The following NR3C2 variants were observed in gnomAD, a reference collection of about 807,000 sequenced individuals.
NR3C2 encodes the protein mineralocorticoid receptor.
A neutral mutation model predicts 86.4 loss-of-function variants in NR3C2; 15 were observed. The observed-to-expected ratio is 0.17, with a 90% confidence interval of 0.12 to 0.27. The LOEUF (loss-of-function observed/expected upper bound fraction) is 0.27. Among genes scored for constraint, NR3C2 ranks in the 10% least tolerant of loss-of-function variants. The pLI is 1.00. For synonymous variants in NR3C2, 458 were observed against 450.5 expected (o/e 1.02, Z -0.21); for missense variants, 960 against 1,195.6 (o/e 0.80, Z 2.91).
At chr4:148,179,524 G>A (rs537810966) in intron 4 of NR3C2, among the ~76,000 whole-genome samples, 8 of 151,738 alleles carry the variant, frequency 5.3e-5, no homozygotes, top group Middle Eastern at 3.2e-3. Flanking sequence ...CAAGGCATGA[G>A]TGAGTTCATA....
At chr4:148,376,845 T>C (rs1323105945) in intron 2 of NR3C2, among the ~76,000 whole-genome samples, 1 of 152,178 alleles carries the variant, frequency 6.6e-6, no homozygotes, top group Non-Finnish European at 1.5e-5. Flanking sequence ...TCCTAATTTA[T>C]TTTCAGTAAT....
chr4:148,289,463 T>C (rs1741694134), intron 2 of NR3C2, among the ~76,000 whole-genome samples: 1 of 152,204 alleles, frequency 6.6e-6, no homozygotes, highest in South Asian at 2.1e-4. Context: ...TTAAGCCTCC[T>C]ACAGCGACAC....
In NR3C2 at chr4:148,253,751, C is replaced by T. The variant is rs769426001; in HGVS notation, c.1897+6227G>A. On this transcript the variant is annotated intron_variant, in intron 3 of 8. Coordinates refer to ENST00000358102, the MANE Select transcript of NR3C2 (RefSeq NM_000901.5). Reference sequence around the variant, plus strand: ...GGTTTTTTTCCCCCATAGCCAATCACCTTTTCATATGTTACATAAATAACT... The same window carrying T: ...GGTTTTTTTCCCCCATAGCCAATCATCTTTTCATATGTTACATAAATAACT... Among the ~76,000 whole-genome samples, 4 of 152,144 alleles carry T rather than the reference C, an allele frequency of 2.6e-5. No homozygotes were observed. In the East Asian group the frequency reaches 5.8e-4, roughly 22 times the overall value.
In NR3C2 at chr4:148,404,723, CAAT is replaced by C. The variant is rs570565806; in HGVS notation, c.1757+30378_1757+30380del. Among the ~76,000 whole-genome samples, 39 of 151,794 alleles carry C rather than the reference CAAT, an allele frequency of 2.6e-4. No individual in the cohort carries two copies. In the South Asian group the frequency reaches 4.4e-3, roughly 17 times the overall value. On this transcript the variant is annotated intron_variant, in intron 2 of 8. Coordinates refer to ENST00000358102, the MANE Select transcript of NR3C2 (RefSeq NM_000901.5). The stretch of plus-strand genomic sequence containing the variant: ...AACATAATATCAAAGCACAAGAAAA[CAAT>C]AAAAAAGGAGGAAATGTACTTAGGG...
intron 4 of NR3C2, among the ~76,000 whole-genome samples, chr4:148,157,972 T>TAG (rs1253096649): frequency 2.0e-5 from 3 of 152,192 alleles, no homozygotes; most frequent in Non-Finnish European, 4.4e-5. Flanking sequence ...GAATAAGACA[T>TAG]AACTACTGGC....
chr4:148,122,934 A>G (rs530023919), intron 6 of NR3C2, among the ~76,000 whole-genome samples: 1 of 152,338 alleles, frequency 6.6e-6, no homozygotes, highest in South Asian at 2.1e-4. Context: ...TTTAGGGAAC[A>G]AGGGAAGACA....
intron 2 of NR3C2, among the ~76,000 whole-genome samples, chr4:148,286,271 T>C (rs17024560): frequency 0.014 from 2,140 of 152,318 alleles, 53 homozygotes; most frequent in African/African-American, 0.049. Context: ...CCAGCTGTGT[T>C]ATTCAACTTA....
chr4:148,180,158 C>T (rs907547362), intron 4 of NR3C2, among the ~76,000 whole-genome samples: 2 of 151,518 alleles, frequency 1.3e-5, no homozygotes, highest in Non-Finnish European at 2.9e-5. Flanking sequence ...GGTGTTGATC[C>T]TGTAATTTCT....
At chr4:148,274,731 G>A (rs1370446083) in intron 2 of NR3C2, among the ~76,000 whole-genome samples, 2 of 140,282 alleles carry the variant, frequency 1.4e-5, no homozygotes, top group Non-Finnish European at 3.0e-5. Context: ...TTGAGATGGA[G>A]TTTCACTCCA....
At chr4:148,189,868 T>C (rs1736114510) in intron 4 of NR3C2, among the ~76,000 whole-genome samples, 1 of 152,212 alleles carries the variant, frequency 6.6e-6, no homozygotes, top group East Asian at 1.9e-4. Context: ...TGTATTTCAG[T>C]GGTGTCAGTT....
At chr4:148,201,803 A>C (rs947455761) in intron 3 of NR3C2, among the ~76,000 whole-genome samples, 1 of 152,168 alleles carries the variant, frequency 6.6e-6, no homozygotes, top group African/African-American at 2.4e-5. Context: ...TACCCCCTTC[A>C]ACTCCCCATC....
At chr4:148,181,153 G>GA (rs1459851712) in intron 4 of NR3C2, among the ~76,000 whole-genome samples, 1 of 152,172 alleles carries the variant, frequency 6.6e-6, no homozygotes, top group Non-Finnish European at 1.5e-5. Flanking sequence ...ATTGGAACCA[G>GA]AATTAGGAAC....
At chr4:148,421,245 C>T (rs1197232515) in intron 2 of NR3C2, among the ~76,000 whole-genome samples, 2 of 152,316 alleles carry the variant, frequency 1.3e-5, no homozygotes, top group Non-Finnish European at 2.9e-5. Flanking sequence ...TAAGCACTTT[C>T]ACACTGTTGT....
At chr4:148,273,514 C>T (rs1158110917) in intron 2 of NR3C2, among the ~76,000 whole-genome samples, 1 of 152,046 alleles carries the variant, frequency 6.6e-6, no homozygotes, top group Non-Finnish European at 1.5e-5. Context: ...GATCAGATGG[C>T]ATGTTGGGTT....
intron 6 of NR3C2, among the ~76,000 whole-genome samples, chr4:148,142,867 A>G (rs907859441): frequency 6.6e-6 from 1 of 152,118 alleles, no homozygotes; most frequent in East Asian, 1.9e-4. Flanking sequence ...TCCCGCTGAC[A>G]GTGCTCATTT....
At chr4:148,398,952 A>G (rs959623825) in intron 2 of NR3C2, among the ~76,000 whole-genome samples, 5 of 152,224 alleles carry the variant, frequency 3.3e-5, no homozygotes, top group African/African-American at 4.8e-5. Flanking sequence ...GGTGAGCCAT[A>G]GCCTGAGGAA....
intron 2 of NR3C2, among the ~76,000 whole-genome samples, chr4:148,399,733 A>G (rs1479723535): frequency 6.6e-6 from 1 of 151,884 alleles, no homozygotes; most frequent in Non-Finnish European, 1.5e-5. Flanking sequence ...CAAACTCACC[A>G]ATCACAGATA....
intron 2 of NR3C2, among the ~76,000 whole-genome samples, chr4:148,340,616 A>C (rs987292023): frequency 6.6e-6 from 1 of 152,172 alleles, no homozygotes; most frequent in African/African-American, 2.4e-5. Flanking sequence ...ACAGGCAACA[A>C]AAGTAAAAAT....
At chr4:148,261,259 C>CAGCGCTATGGTGCACTATGGTA (rs1740088138) in intron 2 of NR3C2, among the ~76,000 whole-genome samples, 36 of 125,212 alleles carry the variant, frequency 2.9e-4, no homozygotes, top group Admixed American at 1.0e-3. Context: ...GCACTATGGT[C>CAGCGCTATGGTGCACTATGGTA]AGCGCTATGG....
Sources: allele counts gnomAD v4.1 joint callset (sites outside exome capture counted in the v4.1 genomes callset), GRCh38; gene constraint gnomAD v4.1.1; transcripts MANE v1.5; gene names NCBI Gene and HGNC (gene_info 2026-07-23, HGNC 2026-07-21).